HCN1: variants seen among roughly 807,000 people sequenced by gnomAD.
HCN1 encodes the protein hyperpolarization activated cyclic nucleotide gated potassium channel 1.
HCN1 carries 13 observed loss-of-function variants against 78.9 expected under a neutral mutation model. The ratio of observed to expected loss-of-function variants is 0.16; its 90% CI spans 0.11 to 0.26. The LOEUF (loss-of-function observed/expected upper bound fraction) is 0.26. HCN1 is among the 10% of genes least tolerant of loss of function. HCN1 has a pLI of 1.00. For synonymous variants in HCN1, 552 were observed against 455.5 expected (o/e 1.21, Z -2.70); for missense variants, 810 against 1,154.3 (o/e 0.70, Z 4.32).
intron 2 of HCN1, among the ~76,000 whole-genome samples, chr5:45,470,321 C>T (rs12651887): frequency 0.18 from 27,305 of 151,930 alleles, 2,976 homozygotes; most frequent in East Asian, 0.32. Flanking sequence ...TAATATTGCA[C>T]TACAATTCTT....
chr5:45,319,834 T>C (rs779782278), intron 5 of HCN1, among the ~76,000 whole-genome samples: 5 of 151,858 alleles, frequency 3.3e-5, no homozygotes, highest in Non-Finnish European at 5.9e-5. Context: ...TTTTAAGCAA[T>C]ATCTCATTTA....
chr5:45,256,029 T>A lies in HCN1; in HGVS notation c.*5892A>T, dbSNP rs1418483037. 2 of 152,268 alleles carry A rather than the reference T, an allele frequency of 1.3e-5. No homozygotes were observed. The highest frequency in any genetic ancestry group is 1.9e-4 in the East Asian group (1 of 5,180). The allele number at this position is 152,268 out of a possible 1,614,324, so 9.4% of individuals were successfully genotyped here. A position where few individuals can be genotyped will look rare whatever the true frequency, so the allele number is the denominator to read the frequency against. On this transcript the variant is annotated 3_prime_UTR_variant, in exon 8 of 8. Coordinates refer to ENST00000303230, the MANE Select transcript of HCN1 (RefSeq NM_021072.4). ...ATTCAGATTTCTTCAATTGAATGAA[T>A]CAATAGTATTCTCTGCTCATATGGT... is the stretch of plus-strand genomic sequence containing the variant.
chr5:45,575,360 T>C (rs1743918205), intron 2 of HCN1: 1 of 151,792 alleles, frequency 6.6e-6, no homozygotes, highest in Admixed American at 6.6e-5. Flanking sequence ...ATGTTCTCAC[T>C]CATAATTGGG....
intron 5 of HCN1, among the ~76,000 whole-genome samples, chr5:45,306,813 G>A (rs986430579): frequency 6.6e-6 from 1 of 152,068 alleles, no homozygotes; most frequent in African/African-American, 2.4e-5. Flanking sequence ...TCAGGATTGA[G>A]TTAGGAGTAT....
At position 45,312,511 on chromosome 5, in the gene HCN1, C is replaced by G. The variant is rs149386568; in HGVS notation, c.1378-8672G>C. Among the ~76,000 whole-genome samples, 839 of 152,278 alleles carry G rather than the reference C, an allele frequency of 5.5e-3. 3 individuals carry two copies. The highest frequency in any genetic ancestry group is 0.013 in the South Asian group (63 of 4,826). On this transcript the variant is annotated intron_variant, in intron 5 of 7. Coordinates refer to ENST00000303230, the MANE Select transcript of HCN1 (RefSeq NM_021072.4). Reference sequence around the variant, plus strand: ...GTTCATCTCACTAGCACTTGTCAGACAGTGGGTGCAGGACAGTGGGTGCAG... The same window carrying G: ...GTTCATCTCACTAGCACTTGTCAGAGAGTGGGTGCAGGACAGTGGGTGCAG...
intron 2 of HCN1, among the ~76,000 whole-genome samples, chr5:45,533,049 T>C (rs554606799): frequency 1.4e-4 from 21 of 152,270 alleles, no homozygotes; most frequent in African/African-American, 4.8e-4. Flanking sequence ...TTCAGGGGAA[T>C]TCTGACAGCT....
Position 45,696,184 on chromosome 5 carries a change from G to A in HCN1, c.-91C>T, listed in dbSNP as rs1332544755. ...CGTAGCCGAGAGGGTAGGGGCCCGA[G>A]CCGGCTGCCGGCGAGCCCAGCTGCC... On this transcript the variant is annotated 5_prime_UTR_variant, in exon 1 of 8. Transcript: ENST00000303230. The A allele has an allele frequency of 8.0e-6, 6 of 745,862 alleles. No homozygotes were observed. Among genetic ancestry groups the A allele is most frequent in the Non-Finnish European group, 8.5e-6 (5 of 591,304 alleles). The allele number at this position is 745,862 out of a possible 1,614,324, so 46.2% of individuals were successfully genotyped here. A position where few individuals can be genotyped will look rare whatever the true frequency, so the allele number is the denominator to read the frequency against.
chr5:45,286,869 A>G (rs1364394341), intron 6 of HCN1, among the ~76,000 whole-genome samples: 1 of 152,008 alleles, frequency 6.6e-6, no homozygotes, highest in Admixed American at 6.6e-5. Context: ...AAAATTGGTG[A>G]TGAAACGCAA....
chr5:45,375,058 A>T (rs1402405872), intron 4 of HCN1, among the ~76,000 whole-genome samples: 1 of 128,146 alleles, frequency 7.8e-6, no homozygotes. Context: ...GGAATTTTAT[A>T]TATATATATA....
At chr5:45,496,789 T>G (rs1742043626) in intron 2 of HCN1, among the ~76,000 whole-genome samples, 1 of 152,218 alleles carries the variant, frequency 6.6e-6, no homozygotes, top group Admixed American at 6.5e-5. Flanking sequence ...CTTCTAATCG[T>G]GATGTTAGGG....
intron 2 of HCN1, among the ~76,000 whole-genome samples, chr5:45,526,264 T>A (rs1015633307): frequency 6.6e-6 from 1 of 152,080 alleles, no homozygotes; most frequent in African/African-American, 2.4e-5. Context: ...GTTGAGGTCA[T>A]TTGAGTTTCT....
intron 1 of HCN1, among the ~76,000 whole-genome samples, chr5:45,652,977 C>T (rs1745705294): frequency 1.3e-5 from 2 of 151,980 alleles, no homozygotes; most frequent in East Asian, 1.9e-4. Context: ...TTTCTACCTG[C>T]CCTAGTAAAT....
At chr5:45,442,698 A>T (rs1740703382) in intron 3 of HCN1, among the ~76,000 whole-genome samples, 3 of 151,388 alleles carry the variant, frequency 2.0e-5, no homozygotes, top group Non-Finnish European at 4.4e-5. Flanking sequence ...TTTCCACATG[A>T]TAATCATTAG....
At chr5:45,518,121 A>AG (rs1396863929) in intron 2 of HCN1, among the ~76,000 whole-genome samples, 1 of 152,096 alleles carries the variant, frequency 6.6e-6, no homozygotes, top group Non-Finnish European at 1.5e-5. Flanking sequence ...ATTTGCCCAG[A>AG]GTGATAGACT....
intron 3 of HCN1, among the ~76,000 whole-genome samples, chr5:45,446,961 AG>A (rs1358972054): frequency 2.0e-5 from 3 of 152,184 alleles, no homozygotes; most frequent in Admixed American, 1.3e-4. Context: ...CATCGAGACT[AG>A]GAAGAAACTG....
At chr5:45,420,305 A>T (rs1034734145) in intron 3 of HCN1, among the ~76,000 whole-genome samples, 1 of 152,064 alleles carries the variant, frequency 6.6e-6, no homozygotes, top group Non-Finnish European at 1.5e-5. Flanking sequence ...ACCCCCCAAA[A>T]TTTGGGGTGG....
chr5:45,640,488 C>T (rs963036912), intron 2 of HCN1, among the ~76,000 whole-genome samples: 4 of 151,758 alleles, frequency 2.6e-5, no homozygotes, highest in African/African-American at 4.8e-5. Flanking sequence ...CATGTAGAGC[C>T]AGTAGAAATT....
chr5:45,386,325 G>A (rs1429999965), intron 4 of HCN1, among the ~76,000 whole-genome samples: 2 of 151,776 alleles, frequency 1.3e-5, no homozygotes, highest in African/African-American at 4.8e-5. Flanking sequence ...ATAGGTGCGA[G>A]CCATCATGTT....
At chr5:45,629,557 A>G (rs1372737358) in intron 2 of HCN1, among the ~76,000 whole-genome samples, 3 of 152,124 alleles carry the variant, frequency 2.0e-5, no homozygotes, top group Non-Finnish European at 4.4e-5. Flanking sequence ...GTTAATTTGT[A>G]AGTACTTTCT....
Sources: allele counts gnomAD v4.1 joint callset (sites outside exome capture counted in the v4.1 genomes callset), GRCh38; gene constraint gnomAD v4.1.1; transcripts MANE v1.5; gene names NCBI Gene and HGNC (gene_info 2026-07-23, HGNC 2026-07-21).